Variants in HNF4G observed in about 807,000 individuals in gnomAD.
The protein encoded by HNF4G is hepatocyte nuclear factor 4 gamma, also known as hepatocyte nuclear factor 4-gamma.
Under a neutral mutation model 50.9 loss-of-function variants are expected in HNF4G, and 21 were observed. That is an observed-to-expected ratio of 0.41 (90% confidence interval 0.29 to 0.59). The LOEUF is 0.59. HNF4G is among the 20% of genes least tolerant of loss of function. The pLI is 0.26. For missense variants in HNF4G, 527 were observed against 559.4 expected (o/e 0.94, Z 0.58); for synonymous variants, 198 against 185.6 (o/e 1.07, Z -0.54).
rs2941474 is a variant in HNF4G at position 75,562,027 on chromosome 8, C to T, written c.1246+1561C>T. 6.7e-3 allele frequency among the ~76,000 whole-genome samples: 1,015 copies of T among 152,198 alleles called. 1 individual carries two copies. Among genetic ancestry groups the T allele is most frequent in the Non-Finnish European group, 9.5e-3 (644 of 68,002 alleles). On this transcript the variant is annotated intron_variant, in intron 9 of 9. Coordinates refer to ENST00000396423, the MANE Select transcript of HNF4G (RefSeq NM_004133.5). ...CCTTTGATCTATTGCCTCTGAACAC[C>T]AAACCTACTACTAACTCACTGAGAT...
chr8:75,543,738 T>G, intron 1 of HNF4G, 73 bp from the exon 2 acceptor site: 3 of 1,298,504 alleles, frequency 2.3e-6, no homozygotes, highest in Non-Finnish European at 3.2e-6. Flanking sequence ...TATGAGCCTA[T>G]AAATAATTAG....
intron 8 of HNF4G, among the ~76,000 whole-genome samples, chr8:75,559,398 G>A (rs2977943): frequency 0.65 from 98,041 of 151,786 alleles, 33,397 homozygotes; most frequent in African/African-American, 0.87. Flanking sequence ...TTCAGCCTCC[G>A]GAGTAGCTGG....
chr8:75,420,078 C>T (rs1810742018), intron 1 of HNF4G, among the ~76,000 whole-genome samples: 1 of 151,962 alleles, frequency 6.6e-6, no homozygotes, highest in South Asian at 2.1e-4. Context: ...AAAAAAAACT[C>T]CCAATTTTTT....
chr8:75,458,375 T>C (rs1811772119), intron 1 of HNF4G, among the ~76,000 whole-genome samples: 1 of 147,340 alleles, frequency 6.8e-6, no homozygotes, highest in African/African-American at 2.5e-5. Flanking sequence ...CTAACTTTTT[T>C]TTTTTTTTTT....
intron 2 of HNF4G, among the ~76,000 whole-genome samples, chr8:75,506,484 A>C (rs925643668): frequency 6.6e-6 from 1 of 152,128 alleles, no homozygotes; most frequent in African/African-American, 2.4e-5. Flanking sequence ...TTAAATGTAC[A>C]TGGGGAGAAA....
chr8:75,466,456 CT>C (rs1461507265), intron 1 of HNF4G, among the ~76,000 whole-genome samples: 5 of 151,774 alleles, frequency 3.3e-5, no homozygotes, highest in African/African-American at 1.2e-4. Context: ...CTTGATTTTG[CT>C]TGACTTGCTG....
intron 8 of HNF4G, among the ~76,000 whole-genome samples, chr8:75,559,363 T>A (rs914989544): frequency 6.6e-6 from 1 of 151,154 alleles, no homozygotes; most frequent in Non-Finnish European, 1.5e-5. Flanking sequence ...AACCTCCGAC[T>A]CCCTAATTCA....
chr8:75,456,202 G>T (rs899520851), intron 1 of HNF4G, among the ~76,000 whole-genome samples: 2 of 151,744 alleles, frequency 1.3e-5, no homozygotes, highest in Admixed American at 6.6e-5. Context: ...ATCTTTACAG[G>T]GTAGTGCAAA....
intron 2 of HNF4G, among the ~76,000 whole-genome samples, chr8:75,496,043 G>T (rs1317764948): frequency 2.0e-5 from 3 of 151,822 alleles, no homozygotes; most frequent in Non-Finnish European, 4.4e-5. Flanking sequence ...TCTAATAATT[G>T]AATGACAAAA....
chr8:75,459,179 A>C (rs1324938119), intron 1 of HNF4G, among the ~76,000 whole-genome samples: 3 of 152,204 alleles, frequency 2.0e-5, no homozygotes, highest in Admixed American at 2.0e-4. Flanking sequence ...ACTCTCTACT[A>C]GCTAGGTAAA....
chr8:75,447,752 A>C (rs1344546422), intron 1 of HNF4G, among the ~76,000 whole-genome samples: 5 of 145,594 alleles, frequency 3.4e-5, no homozygotes, highest in East Asian at 2.1e-4. Context: ...CACACCAGTT[A>C]GAATGGCAAT....
intron 1 of HNF4G, among the ~76,000 whole-genome samples, chr8:75,485,437 A>G (rs1462192125): frequency 1.3e-5 from 2 of 152,212 alleles, no homozygotes; most frequent in East Asian, 3.8e-4. Flanking sequence ...ATATATTTTA[A>G]TAATGTTCAA....
chr8:75,410,815 C>T (rs1243916783), intron 1 of HNF4G, among the ~76,000 whole-genome samples: 4 of 152,168 alleles, frequency 2.6e-5, no homozygotes, highest in Non-Finnish European at 5.9e-5. Flanking sequence ...TCTCCACCAT[C>T]CTCAAAGGTA....
At chr8:75,444,986 G>A (rs1096390) in intron 1 of HNF4G, among the ~76,000 whole-genome samples, 115,039 of 144,680 alleles carry the variant, frequency 0.8, 46,130 homozygotes, top group African/African-American at 0.86. Context: ...ATTTTTTTCA[G>A]CACCACACCA....
intron 1 of HNF4G, among the ~76,000 whole-genome samples, chr8:75,462,185 G>A (rs1434819981): frequency 6.6e-6 from 1 of 152,114 alleles, no homozygotes; most frequent in Non-Finnish European, 1.5e-5. Flanking sequence ...CCAAAGTGCA[G>A]GGATTACAGG....
chr8:75,439,790 T>C (rs1314315383), intron 1 of HNF4G, among the ~76,000 whole-genome samples: 1 of 152,022 alleles, frequency 6.6e-6, no homozygotes, highest in Non-Finnish European at 1.5e-5. Context: ...ACAATAAGCT[T>C]ACATGTTATA....
chr8:75,479,148 A>G (rs1444921148), intron 1 of HNF4G, among the ~76,000 whole-genome samples: 1 of 152,180 alleles, frequency 6.6e-6, no homozygotes, highest in African/African-American at 2.4e-5. Flanking sequence ...TGACCAAACT[A>G]CTACCCTTAT....
At chr8:75,530,230 C>T (rs746525017) in intron 2 of HNF4G, among the ~76,000 whole-genome samples, 1 of 152,270 alleles carries the variant, frequency 6.6e-6, no homozygotes, top group Admixed American at 6.5e-5. Context: ...ATCCTTGATC[C>T]TCAGGGCACC....
Position 75,566,370 on chromosome 8 carries a change from A to T in HNF4G, c.*2274A>T, listed in dbSNP as rs1252081989. 1 of 152,404 alleles carries T rather than the reference A, an allele frequency of 6.6e-6. No homozygotes were observed. Among genetic ancestry groups the T allele is most frequent in the African/African-American group, 2.4e-5 (1 of 41,454 alleles). The allele number at this position is 152,404 out of a possible 1,614,324, so 9.4% of individuals were successfully genotyped here. On this transcript the variant is annotated 3_prime_UTR_variant, in exon 10 of 10. Transcript: ENST00000396423. ...ATTTTGGAAAACACAAAAATTCAGA[A>T]CATAGCAAATACCTTTGAAGTATAA...
Sources: gnomAD v4.1 joint callset for allele counts (sites outside exome capture counted in the v4.1 genomes callset) on GRCh38, gnomAD v4.1.1 for gene constraint, MANE v1.5 for transcripts, NCBI Gene and HGNC (gene_info 2026-07-23, HGNC 2026-07-21) for gene names.